Variants in CAPS2 observed in about 807,000 individuals in gnomAD.
CAPS2 encodes calcyphosin-2.
In CAPS2, 98 loss-of-function variants were observed where a neutral mutation model predicts 86.5. The ratio of observed to expected loss-of-function variants is 1.13; its 90% confidence interval spans 0.96 to 1.34. CAPS2 has a LOEUF of 1.34. CAPS2 is among the 40% of genes most tolerant of loss of function. The pLI, the probability that CAPS2 is intolerant of heterozygous loss-of-function variation, is 0.00. For synonymous variants in CAPS2, 210 were observed against 225.1 expected (o/e 0.93, Z 0.60); for missense variants, 729 against 686.8 (o/e 1.06, Z -0.69).
intron 7 of CAPS2, chr12:75,305,702 A>C: frequency 1.5e-6 from 1 of 666,074 alleles, no homozygotes. Flanking sequence ...GCTGCTGCAG[A>C]AGGCGCACGA....
At chr12:75,335,124 T>C (rs919647073) in intron 1 of CAPS2, among the ~76,000 whole-genome samples, 1 of 152,214 alleles carries the variant, frequency 6.6e-6, no homozygotes, top group Admixed American at 6.5e-5. Context: ...GCGGGGAAGG[T>C]GGGGATGCTG....
intron 1 of CAPS2, chr12:75,343,808 G>A: frequency 6.2e-7 from 1 of 1,613,462 alleles, no homozygotes; most frequent in South Asian, 1.1e-5. Flanking sequence ...GAATATGTTG[G>A]AGAAAATATC....
downstream of CAPS2, chr12:75,277,152 A>G: frequency 1.0e-6 from 1 of 983,914 alleles, no homozygotes; most frequent in Non-Finnish European, 1.2e-6. Flanking sequence ...AGGAAGATTA[A>G]GATTAATACT....
At chr12:75,298,498 C>G in intron 11 of CAPS2, 189 bp downstream of exon 11, 2 of 525,988 alleles carry the variant, frequency 3.8e-6, no homozygotes, top group South Asian at 6.4e-5. Flanking sequence ...TGGATTCAGA[C>G]TTGAGATTTG....
At chr12:75,307,020 G>T (rs1462092112) in intron 7 of CAPS2, among the ~76,000 whole-genome samples, 1 of 152,012 alleles carries the variant, frequency 6.6e-6, no homozygotes, top group Admixed American at 6.5e-5. Flanking sequence ...ACGGCCACAG[G>T]AGTAGACAGC....
At chr12:75,291,554 C>CTATT (rs2035906553) in intron 13 of CAPS2, among the ~76,000 whole-genome samples, 190 bp downstream of exon 13, 2 of 23,706 alleles carry the variant, frequency 8.4e-5, no homozygotes, top group African/African-American at 2.4e-4. Context: ...ATATATATAG[C>CTATT]TTATTTTTAA....
At chr12:75,379,819 G>A (rs1191159595) in intron 1 of CAPS2, among the ~76,000 whole-genome samples, 2 of 137,636 alleles carry the variant, frequency 1.5e-5, no homozygotes, top group Non-Finnish European at 3.1e-5. Flanking sequence ...AGTATTCTCT[G>A]TAGTTTATTA....
chr12:75,312,573 A>AT (rs111401228), intron 7 of CAPS2, among the ~76,000 whole-genome samples: 3 of 152,036 alleles, frequency 2.0e-5, no homozygotes, highest in African/African-American at 7.2e-5. Context: ...TATGTGTATT[A>AT]TTTTTTTAAA....
chr12:75,330,885 A>G (rs1473719055), upstream of CAPS2, among the ~76,000 whole-genome samples: 1 of 151,850 alleles, frequency 6.6e-6, no homozygotes, highest in Non-Finnish European at 1.5e-5. Context: ...CCCAGGTTCA[A>G]GCGATTCTCC....
chr12:75,302,764 T>C (rs976807318), intron 8 of CAPS2, among the ~76,000 whole-genome samples: 3 of 152,220 alleles, frequency 2.0e-5, no homozygotes, highest in African/African-American at 7.2e-5. Context: ...AAATGGCCTA[T>C]ATACATATGG....
Position 75,299,692 on chromosome 12 carries a change from A to G in CAPS2, c.854+145T>C, listed in dbSNP as rs142306209. The G allele has an allele frequency of 1.2e-3, 500 of 424,044 alleles. 1 individual carries two copies. The highest frequency in any genetic ancestry group is 1.7e-3 in the Non-Finnish European group (403 of 232,390). The allele number at this position is 424,044 out of a possible 1,614,324, so 26.3% of individuals were successfully genotyped here. On this transcript the variant is annotated intron_variant, in intron 9 of 16. Transcript: ENST00000393284. ...ATATTTTTATAACAGATTAATAGCTATTATTTTAAAATGTTTGTTCTAAAT... is the reference window on the plus strand; with the variant it reads ...ATATTTTTATAACAGATTAATAGCTGTTATTTTAAAATGTTTGTTCTAAAT...
At chr12:75,331,586 C>T (rs1472291591), upstream of CAPS2, among the ~76,000 whole-genome samples, 3 of 149,376 alleles carry the variant, frequency 2.0e-5, no homozygotes, top group Admixed American at 6.6e-5. Flanking sequence ...TTTTTTGAGA[C>T]GGAGTCTCGC....
At chr12:75,277,223 T>G in exon 17 of CAPS2, 1 of 959,306 alleles carries the variant, frequency 1.0e-6, no homozygotes, top group Non-Finnish European at 1.2e-6. Flanking sequence ...TTTTTTTTTT[T>G]TTACAGTATA....
chr12:75,295,995 A>AT lies in CAPS2; in HGVS notation c.1045-2629dup, dbSNP rs560827643. On this transcript the variant is annotated intron_variant, in intron 11 of 16. Transcript: ENST00000393284. ...AAAAGGAAGAGCCAAAGAATCTGCA[A>AT]TTCAGATTGGAAGATGGAGAACTAT... is the stretch of plus-strand genomic sequence containing the variant. Among the ~76,000 whole-genome samples the AT allele has an allele frequency of 6.2e-4, 95 of 152,354 alleles. 1 individual carries two copies. The highest frequency in any genetic ancestry group is 1.0e-3 in the Non-Finnish European group (68 of 68,034).
chr12:75,341,516 G>A (rs759745846), intron 1 of CAPS2, among the ~76,000 whole-genome samples: 1 of 151,818 alleles, frequency 6.6e-6, no homozygotes, highest in Non-Finnish European at 1.5e-5. Flanking sequence ...GCGCTGTCTC[G>A]GCTCACTGCA....
intron 1 of CAPS2, among the ~76,000 whole-genome samples, chr12:75,375,334 T>A (rs181708766): frequency 1.3e-5 from 2 of 152,122 alleles, no homozygotes; most frequent in Admixed American, 1.3e-4. Context: ...AGGACCACAA[T>A]GATGTTTTGG....
intron 1 of CAPS2, among the ~76,000 whole-genome samples, chr12:75,343,051 A>G (rs2042222961): frequency 6.6e-6 from 1 of 151,912 alleles, no homozygotes; most frequent in Admixed American, 6.6e-5. Flanking sequence ...ATTTTTATGT[A>G]TCCAGTCATG....
intron 1 of CAPS2, among the ~76,000 whole-genome samples, chr12:75,349,994 C>A (rs372685196): frequency 2.6e-5 from 4 of 152,194 alleles, no homozygotes; most frequent in African/African-American, 9.7e-5. Context: ...GACCGGGTCC[C>A]GGGAGGGAGG....
intron 1 of CAPS2, among the ~76,000 whole-genome samples, chr12:75,358,089 C>T (rs1342065709): frequency 6.6e-6 from 1 of 150,942 alleles, no homozygotes; most frequent in Non-Finnish European, 1.5e-5. Context: ...TAAAATTTAT[C>T]ATCTGCAAAC....
Sources: allele counts gnomAD v4.1 joint callset (sites outside exome capture counted in the v4.1 genomes callset), GRCh38; gene constraint gnomAD v4.1.1; transcripts MANE v1.5; gene names NCBI Gene and HGNC (gene_info 2026-07-23, HGNC 2026-07-21).